LRRC72: variants seen among roughly 807,000 people sequenced by gnomAD.
LRRC72 encodes the protein leucine-rich repeat-containing protein 72.
In LRRC72, 41 loss-of-function variants were observed where a neutral mutation model predicts 35.8. The observed-to-expected ratio is 1.15, with a 90% CI of 0.89 to 1.49. LRRC72 has a LOEUF of 1.49. Ranked by LOEUF, LRRC72 falls within the 40% of genes most tolerant of loss-of-function variation. LRRC72 has a pLI of 0.00. For missense variants in LRRC72, 389 were observed against 330.7 expected, an observed-to-expected ratio of 1.18 and a Z score of -1.37; for synonymous variants, 118 against 119.2, an observed-to-expected ratio of 0.99 and a Z score of 0.07.
intron 7 of LRRC72, among the ~76,000 whole-genome samples, chr7:16,575,011 A>T (rs1783014126): frequency 6.6e-6 from 1 of 151,916 alleles, no homozygotes; most frequent in South Asian, 2.1e-4. Flanking sequence ...GCTACTTGGG[A>T]GGCTGAGGCA....
chr7:16,551,671 G>A (rs533093766), intron 3 of LRRC72, among the ~76,000 whole-genome samples: 1 of 152,274 alleles, frequency 6.6e-6, no homozygotes, highest in African/African-American at 2.4e-5. Context: ...TTCCTGGAGG[G>A]TGGTACCCGG....
rs537004587 is a variant in LRRC72 at position 16,565,754 on chromosome 7, G to A, written c.428-559G>A. Among the ~76,000 whole-genome samples the A allele has an allele frequency of 2.7e-4, 41 of 152,266 alleles. 1 individual carries two copies. The South Asian group carries it at 4.1e-3, about 15-fold the overall frequency. ...CACGTGCCTGGCCAGAGGTAGACAA[G>A]ATGCAAGAGCCACTTCTGCTCAGCT... On this transcript the variant is annotated intron_variant, in intron 5 of 8. Transcript: ENST00000401542.
At chr7:16,568,214 T>A (rs1168142999) in intron 7 of LRRC72, among the ~76,000 whole-genome samples, 4 of 152,212 alleles carry the variant, frequency 2.6e-5, no homozygotes, top group African/African-American at 9.7e-5. Context: ...TCTGCTACTC[T>A]TAGTGTGCTT....
At chr7:16,547,488 G>A (rs1782469260) in intron 3 of LRRC72, among the ~76,000 whole-genome samples, 1 of 152,182 alleles carries the variant, frequency 6.6e-6, no homozygotes, top group African/African-American at 2.4e-5. Flanking sequence ...AGGCACAGCT[G>A]CAGCTGCCCA....
At chr7:16,532,958 A>G (rs1432465940) in intron 2 of LRRC72, 4 of 235,264 alleles carry the variant, frequency 1.7e-5, no homozygotes, top group African/African-American at 9.1e-5. Flanking sequence ...AGTAGTTGGA[A>G]AATTCACTGT....
At chr7:16,543,114 G>C (rs1782385957) in intron 3 of LRRC72, among the ~76,000 whole-genome samples, 1 of 152,042 alleles carries the variant, frequency 6.6e-6, no homozygotes, top group Non-Finnish European at 1.5e-5. Flanking sequence ...ACTCTAACAG[G>C]CATATTAACT....
At position 16,567,550 on chromosome 7, in the gene LRRC72, C is replaced by T. The variant is rs1315474091; in HGVS notation, c.670+7C>T. 25 of 847,980 alleles carry T rather than the reference C, an allele frequency of 2.9e-5. No individual in the cohort carries two copies. The Middle Eastern group carries it at 9.5e-4, about 32-fold the overall frequency. 52.5% of individuals were successfully genotyped at this position (847,980 alleles called of 1,614,324 possible). On this transcript the variant is annotated splice_region_variant and intron_variant, in intron 7 of 8. Transcript: ENST00000401542. Reference sequence around the variant, plus strand: ...GCCCAGAGAGTACCTTCAGGTATTTCGTAAAAAAAAAAAAAAAAACAAATT... The same window carrying T: ...GCCCAGAGAGTACCTTCAGGTATTTTGTAAAAAAAAAAAAAAAAACAAATT...
chr7:16,558,143 G>C (rs1432957606), intron 4 of LRRC72, among the ~76,000 whole-genome samples: 1 of 152,070 alleles, frequency 6.6e-6, no homozygotes, highest in Admixed American at 6.6e-5. Context: ...GTTATGTACA[G>C]AAAATACTTA....
intron 5 of LRRC72, among the ~76,000 whole-genome samples, chr7:16,564,194 G>C (rs1330679084): frequency 6.6e-6 from 1 of 152,162 alleles, no homozygotes; most frequent in Non-Finnish European, 1.5e-5. Context: ...TGTATAACAG[G>C]GTTATGAGGT....
At chr7:16,530,285 G>C (rs1404279958) in intron 1 of LRRC72, 1 of 152,168 alleles carries the variant, frequency 6.6e-6, no homozygotes, top group African/African-American at 2.4e-5. Context: ...AGAGACCTGA[G>C]AACTAGGAAT....
intron 5 of LRRC72, among the ~76,000 whole-genome samples, chr7:16,561,556 T>A (rs1244308480): frequency 6.6e-6 from 1 of 152,192 alleles, no homozygotes; most frequent in Non-Finnish European, 1.5e-5. Context: ...ACAATGTCCA[T>A]ATCATTACCA....
intron 7 of LRRC72, among the ~76,000 whole-genome samples, chr7:16,573,715 G>A (rs1782988367): frequency 1.3e-5 from 2 of 152,100 alleles, no homozygotes; most frequent in African/African-American, 4.8e-5. Context: ...AGAAAACTTA[G>A]GCAATACCAT....
chr7:16,533,278 T>A (rs561649523), intron 2 of LRRC72, among the ~76,000 whole-genome samples: 62 of 152,134 alleles, frequency 4.1e-4, no homozygotes, highest in Non-Finnish European at 8.1e-4. Flanking sequence ...CAGACCACTT[T>A]GATTCCACTC....
At chr7:16,543,656 G>C (rs1327726772) in intron 3 of LRRC72, among the ~76,000 whole-genome samples, 1 of 152,216 alleles carries the variant, frequency 6.6e-6, no homozygotes, top group Non-Finnish European at 1.5e-5. Flanking sequence ...ATTAGTCACT[G>C]AACAGGCATC....
chr7:16,546,328 T>C (rs533824764), intron 3 of LRRC72, among the ~76,000 whole-genome samples: 1 of 152,282 alleles, frequency 6.6e-6, no homozygotes, highest in East Asian at 1.9e-4. Flanking sequence ...TTGCTACTAT[T>C]GCGTTTTGAC....
At chr7:16,580,743 A>G (rs1783129156) in intron 8 of LRRC72, among the ~76,000 whole-genome samples, 1 of 152,164 alleles carries the variant, frequency 6.6e-6, no homozygotes, top group African/African-American at 2.4e-5. Context: ...GTTCAGTCAT[A>G]GCAGTTATCA....
chr7:16,537,737 A>ACTAT, intron 3 of LRRC72, 41 bp downstream of exon 3: 1 of 1,156,254 alleles, frequency 8.6e-7, no homozygotes. Context: ...AAATTAAACT[A>ACTAT]CTATCTTAAT....
chr7:16,580,133 G>A (rs957294795), intron 8 of LRRC72, 32 bp downstream of exon 8: 4 of 336,540 alleles, frequency 1.2e-5, no homozygotes, highest in Non-Finnish European at 2.2e-5. Context: ...TTTATTATCA[G>A]ATTATTTCAT....
At chr7:16,543,164 TTA>T (rs1338684001) in intron 3 of LRRC72, among the ~76,000 whole-genome samples, 2 of 152,226 alleles carry the variant, frequency 1.3e-5, no homozygotes, top group African/African-American at 4.8e-5. Context: ...AAAATTTTAA[TTA>T]TGAGTTTTCT....
Sources: allele counts gnomAD v4.1 joint callset (sites outside exome capture counted in the v4.1 genomes callset), GRCh38; gene constraint gnomAD v4.1.1; transcripts MANE v1.5; gene names NCBI Gene and HGNC (gene_info 2026-07-23, HGNC 2026-07-21).